Variants in TTC28 observed in about 807,000 individuals in gnomAD.
TTC28 encodes the protein tetratricopeptide repeat protein 28.
In TTC28, 61 loss-of-function variants were observed where a neutral mutation model predicts 198.0. The ratio of observed to expected loss-of-function variants is 0.31; its 90% CI spans 0.25 to 0.38. The LOEUF (loss-of-function observed/expected upper bound fraction) is 0.38. Among genes scored for constraint, TTC28 ranks in the 10% least tolerant of loss-of-function variants. TTC28 has a pLI of 1.00. For synonymous variants in TTC28, 1,171 were observed against 1,297.8 expected (o/e 0.90, Z 2.10); for missense variants, 2,678 against 3,164.0 (o/e 0.85, Z 3.69).
At chr22:28,205,150 C>A (rs1926288432) in intron 5 of TTC28, among the ~76,000 whole-genome samples, 1 of 151,852 alleles carries the variant, frequency 6.6e-6, no homozygotes, top group Non-Finnish European at 1.5e-5. Context: ...ATAAAAATAG[C>A]CTAAACCTTT....
At chr22:28,623,008 A>T (rs1244530139) in intron 2 of TTC28, among the ~76,000 whole-genome samples, 1 of 152,030 alleles carries the variant, frequency 6.6e-6, no homozygotes, top group African/African-American at 2.4e-5. Context: ...TTTTTAGTAG[A>T]GATGGGGTTT....
intron 2 of TTC28, among the ~76,000 whole-genome samples, chr22:28,482,233 T>TTTTTTG (rs1491161700): frequency 9.9e-6 from 1 of 101,414 alleles, no homozygotes; most frequent in Non-Finnish European, 2.1e-5. Flanking sequence ...TTTTTTTTTT[T>TTTTTTG]GAGACGGAGT....
At chr22:28,314,883 A>G (rs2045327317) in intron 2 of TTC28, among the ~76,000 whole-genome samples, 1 of 151,918 alleles carries the variant, frequency 6.6e-6, no homozygotes, top group Admixed American at 6.6e-5. Context: ...TAAAAAAAAG[A>G]AAAAAAATTC....
At position 28,679,702 on chromosome 22, in the gene TTC28, C is replaced by CCGG. The variant is rs1357095648; in HGVS notation, c.19_21dup (p.Pro7dup). 6 of 1,286,816 alleles carry CCGG rather than the reference C, an allele frequency of 4.7e-6. No homozygotes were observed. Among genetic ancestry groups the CCGG allele is most frequent in the East Asian group, 6.4e-5 (2 of 31,288 alleles). The allele number at this position is 1,286,816 out of a possible 1,614,324, so 79.7% of individuals were successfully genotyped here. A position where few individuals can be genotyped will look rare whatever the true frequency, so the allele number is the denominator to read the frequency against. On this transcript the variant is annotated inframe_insertion, in exon 1 of 23. Coordinates refer to ENST00000397906, the MANE Select transcript of TTC28 (RefSeq NM_001145418.2). ...GTCGGCCCTTGGGTCGGCTCGGGCG[C>CCGG]CGGCGGCGGCGACTGCTCCATCCCC...
At chr22:28,650,745 G>C (rs1004130399) in intron 1 of TTC28, among the ~76,000 whole-genome samples, 1 of 152,142 alleles carries the variant, frequency 6.6e-6, no homozygotes, top group Non-Finnish European at 1.5e-5. Flanking sequence ...ACTCTTACAA[G>C]ACCTTTATTT....
chr22:28,082,009 G>A (rs2146810604), intron 12 of TTC28, among the ~76,000 whole-genome samples: 1 of 152,228 alleles, frequency 6.6e-6, no homozygotes, highest in African/African-American at 2.4e-5. Context: ...TGTAATTTTT[G>A]ATGCTTTGGT....
intron 2 of TTC28, among the ~76,000 whole-genome samples, chr22:28,324,286 T>C (rs1226358466): frequency 6.6e-6 from 1 of 152,058 alleles, no homozygotes. Flanking sequence ...ACCCTGTCTC[T>C]GCAAAAAATT....
chr22:28,523,332 T>C (rs1218399909), intron 2 of TTC28, among the ~76,000 whole-genome samples: 1 of 152,202 alleles, frequency 6.6e-6, no homozygotes, highest in Non-Finnish European at 1.5e-5. Context: ...TCAGAATAAT[T>C]CTATAAGTTA....
chr22:28,306,675 G>A (rs761148813), intron 2 of TTC28, 32 bp from the exon 3 acceptor site: 2 of 1,548,900 alleles, frequency 1.3e-6, no homozygotes, highest in South Asian at 1.2e-5. Flanking sequence ...GATATATAAT[G>A]CCTGTGCTCC....
intron 12 of TTC28, among the ~76,000 whole-genome samples, chr22:28,080,866 C>T (rs569626895): frequency 1.3e-5 from 2 of 152,094 alleles, no homozygotes; most frequent in South Asian, 4.2e-4. Context: ...TTTTGCATGT[C>T]GTATAAATAA....
intron 1 of TTC28, among the ~76,000 whole-genome samples, chr22:28,661,330 C>T (rs929604353): frequency 3.3e-5 from 5 of 152,118 alleles, no homozygotes; most frequent in African/African-American, 1.2e-4. Flanking sequence ...CATATAATCC[C>T]TTCTTCATTA....
intron 2 of TTC28, among the ~76,000 whole-genome samples, chr22:28,453,916 G>GTCATAGTT (rs2047820819): frequency 6.6e-6 from 1 of 152,162 alleles, no homozygotes; most frequent in Admixed American, 6.5e-5. Context: ...GGCCTACAAG[G>GTCATAGTT]TCATACATGA....
intron 2 of TTC28, among the ~76,000 whole-genome samples, chr22:28,526,400 C>A (rs1250072867): frequency 6.6e-6 from 1 of 152,048 alleles, no homozygotes; most frequent in African/African-American, 2.4e-5. Context: ...AAATTCTGAA[C>A]AAAGTATTAA....
intron 8 of TTC28, among the ~76,000 whole-genome samples, 156 bp from the exon 9 acceptor site, chr22:28,101,436 C>A (rs1029313609): frequency 5.3e-5 from 8 of 152,196 alleles, no homozygotes; most frequent in African/African-American, 1.7e-4. Flanking sequence ...CAGCTCACTG[C>A]AGCCTGCACC....
intron 2 of TTC28, among the ~76,000 whole-genome samples, chr22:28,570,858 T>C (rs2050048392): frequency 6.6e-6 from 1 of 152,080 alleles, no homozygotes; most frequent in South Asian, 2.1e-4. Flanking sequence ...GAAAGCTAGA[T>C]GGTTAATGGG....
At chr22:28,457,309 C>G (rs1032258014) in intron 2 of TTC28, among the ~76,000 whole-genome samples, 5 of 152,166 alleles carry the variant, frequency 3.3e-5, no homozygotes, top group Admixed American at 1.3e-4. Context: ...CATCAACAAC[C>G]AGTGCATAAC....
At chr22:28,164,712 C>T (rs956399006) in intron 5 of TTC28, among the ~76,000 whole-genome samples, 15 of 152,174 alleles carry the variant, frequency 9.9e-5, no homozygotes, top group African/African-American at 2.6e-4. Context: ...GCAGAAAAAC[C>T]GGAAACTCTA....
chr22:28,206,264 T>A (rs1198942786), intron 5 of TTC28, among the ~76,000 whole-genome samples: 1 of 152,190 alleles, frequency 6.6e-6, no homozygotes, highest in African/African-American at 2.4e-5. Context: ...AAGAAGGTTG[T>A]GGTTAACAAA....
At chr22:28,648,043 T>C (rs1372162285) in intron 1 of TTC28, among the ~76,000 whole-genome samples, 1 of 150,524 alleles carries the variant, frequency 6.6e-6, no homozygotes, top group Non-Finnish European at 1.5e-5. Context: ...GCTAACACGG[T>C]GAAACCCCGT....
Sources: gnomAD v4.1 joint callset for allele counts (sites outside exome capture counted in the v4.1 genomes callset) on GRCh38, gnomAD v4.1.1 for gene constraint, MANE v1.5 for transcripts, NCBI Gene and HGNC (gene_info 2026-07-23, HGNC 2026-07-21) for gene names.